The following ETS1 variants were observed in gnomAD, a reference collection of about 807,000 sequenced individuals.
The protein encoded by ETS1 is ETS proto-oncogene 1, transcription factor, also known as protein C-ets-1.
Under a neutral mutation model 58.6 loss-of-function variants are expected in ETS1, and 15 were observed. The observed-to-expected ratio is 0.26, with a 90% CI of 0.17 to 0.39. The LOEUF (loss-of-function observed/expected upper bound fraction) is 0.39, where lower values mean the gene tolerates loss of function less well. Ranked by LOEUF, ETS1 falls within the 10% of genes least tolerant of loss-of-function variation. ETS1 has a pLI of 1.00. For missense variants in ETS1, 417 were observed against 610.5 expected (o/e 0.68, Z 3.34); for synonymous variants, 214 against 218.2 (o/e 0.98, Z 0.17).
intron 3 of ETS1, among the ~76,000 whole-genome samples, chr11:128,545,895 G>A (rs1384692127): frequency 6.6e-6 from 1 of 152,200 alleles, no homozygotes; most frequent in African/African-American, 2.4e-5. Context: ...AAAGCCCAAA[G>A]TATTGATGAG....
At chr11:128,558,649 C>CAAAAAAAAAAAAAAAAA (rs201114905) in intron 2 of ETS1, among the ~76,000 whole-genome samples, 1 of 103,442 alleles carries the variant, frequency 9.7e-6, no homozygotes, top group Non-Finnish European at 2.0e-5. Flanking sequence ...ATATCCATCC[C>CAAAAAAAAAAAAAAAAA]AAAAAAAAAA....
intron 3 of ETS1, among the ~76,000 whole-genome samples, chr11:128,513,469 C>A (rs1034056853): frequency 6.6e-6 from 1 of 152,224 alleles, no homozygotes; most frequent in Non-Finnish European, 1.5e-5. Context: ...CCCACATTCT[C>A]CTCACAGAGT....
At chr11:128,467,367 C>T (rs750104109) in intron 8 of ETS1, among the ~76,000 whole-genome samples, 8 of 152,196 alleles carry the variant, frequency 5.3e-5, no homozygotes, top group Non-Finnish European at 7.3e-5. Flanking sequence ...GAAGTTCTCA[C>T]ACCCAAGATT....
chr11:128,498,391 G>T (rs1862998350), intron 3 of ETS1, among the ~76,000 whole-genome samples: 2 of 152,156 alleles, frequency 1.3e-5, no homozygotes, highest in Admixed American at 6.5e-5. Context: ...AATGGAAATT[G>T]ACATCCCCTG....
chr11:128,584,155 T>G (rs1864929066), intron 1 of ETS1, among the ~76,000 whole-genome samples: 2 of 152,206 alleles, frequency 1.3e-5, no homozygotes, highest in South Asian at 4.1e-4. Context: ...ACTGACTTAC[T>G]TACCCAGGAA....
At chr11:128,554,178 AG>A (rs1733400761) in intron 3 of ETS1, among the ~76,000 whole-genome samples, 1 of 152,190 alleles carries the variant, frequency 6.6e-6, no homozygotes, top group Non-Finnish European at 1.5e-5. Flanking sequence ...AGAAAGGCTC[AG>A]GGTTCTTGCC....
chr11:128,489,162 C>T, intron 5 of ETS1, 128 bp downstream of exon 5: 1 of 770,236 alleles, frequency 1.3e-6, no homozygotes, highest in Non-Finnish European at 2.3e-6. Flanking sequence ...TAGGCACATT[C>T]CCACATACGT....
intron 3 of ETS1, among the ~76,000 whole-genome samples, chr11:128,519,724 C>T (rs1009097897): frequency 2.6e-5 from 4 of 152,088 alleles, no homozygotes; most frequent in South Asian, 2.1e-4. Flanking sequence ...ATATACATTG[C>T]GAAGTTAGAA....
chr11:128,570,904 G>A (rs1035464029), intron 2 of ETS1, among the ~76,000 whole-genome samples: 5 of 152,144 alleles, frequency 3.3e-5, no homozygotes, highest in Admixed American at 6.5e-5. Context: ...GAGTGTTGGG[G>A]AGTGGGCAGT....
At position 128,460,222 on chromosome 11, in the gene ETS1, A is replaced by G. The variant is rs914486930; in HGVS notation, c.*2139T>C. The G allele has an allele frequency of 6.6e-6, 1 of 152,548 alleles. No homozygotes were observed. The highest frequency in any genetic ancestry group is 1.5e-5 in the Non-Finnish European group (1 of 68,006). 9.4% of individuals were successfully genotyped at this position (152,548 alleles called of 1,614,324 possible). Reference sequence around the variant, plus strand: ...TGTAGTCCAAACAGTTCCACCCAACACTCCCTGAGCAGCTCCTAAAATATT... The same window carrying G: ...TGTAGTCCAAACAGTTCCACCCAACGCTCCCTGAGCAGCTCCTAAAATATT... On this transcript the variant is annotated 3_prime_UTR_variant, in exon 10 of 10. Transcript: ENST00000392668.
chr11:128,504,274 G>T (rs1863170522), intron 3 of ETS1, among the ~76,000 whole-genome samples: 1 of 152,112 alleles, frequency 6.6e-6, no homozygotes, highest in South Asian at 2.1e-4. Context: ...TTATGGCCTG[G>T]AGCAATAACT....
chr11:128,487,443 A>C (rs1035015825), intron 5 of ETS1, among the ~76,000 whole-genome samples: 4 of 152,238 alleles, frequency 2.6e-5, no homozygotes, highest in African/African-American at 9.6e-5. Flanking sequence ...TTTTAAGTTA[A>C]ATAAAAATAT....
intron 8 of ETS1, among the ~76,000 whole-genome samples, chr11:128,477,539 G>A (rs906925038): frequency 6.6e-6 from 1 of 152,118 alleles, no homozygotes; most frequent in Admixed American, 6.5e-5. Context: ...GAGGTTGGCG[G>A]GGGCACCATG....
At chr11:128,558,782 T>C (rs1864358052) in intron 2 of ETS1, among the ~76,000 whole-genome samples, 1 of 152,124 alleles carries the variant, frequency 6.6e-6, no homozygotes, top group African/African-American at 2.4e-5. Context: ...CTGAAGCAGC[T>C]ACATTAAATA....
intron 3 of ETS1, among the ~76,000 whole-genome samples, chr11:128,523,867 T>C (rs1325000668): frequency 6.6e-6 from 1 of 151,772 alleles, no homozygotes; most frequent in Non-Finnish European, 1.5e-5. Flanking sequence ...GGGAAAAGCC[T>C]AGAGAAACAG....
chr11:128,484,959 G>A lies in ETS1; in HGVS notation c.726C>T (p.Ser242=). The change falls in exon 7 of 10, where the codon TCC becomes TCT. Residue 242 remains serine, a synonymous_variant. Coordinates refer to ENST00000392668, the MANE Select transcript of ETS1 (RefSeq NM_001143820.2). ...AGGGGTAGTCATTCTCATACTTGAG[G>A]GAGAGGAGCTCTTCCGAGCTGATGG... The part of the protein sequence containing the change: ...LHPISSEELL[S]LKYENDYPSV... 1.2e-6 allele frequency: 2 copies of A among 1,614,106 alleles called. No individual in the cohort carries two copies. Among genetic ancestry groups the A allele is most frequent in the Non-Finnish European group, 1.7e-6 (2 of 1,179,992 alleles).
At chr11:128,564,862 GA>G (rs936288080) in intron 2 of ETS1, among the ~76,000 whole-genome samples, 1 of 151,942 alleles carries the variant, frequency 6.6e-6, no homozygotes, top group African/African-American at 2.4e-5. Context: ...GCCATGGCCA[GA>G]AGACTATCCA....
intron 1 of ETS1, among the ~76,000 whole-genome samples, chr11:128,578,688 A>G (rs1864802103): frequency 6.6e-6 from 1 of 152,086 alleles, no homozygotes; most frequent in African/African-American, 2.4e-5. Context: ...ACACACACAC[A>G]CGTGATTACA....
intron 2 of ETS1, among the ~76,000 whole-genome samples, chr11:128,566,571 CAGG>C (rs1224783513): frequency 4.6e-5 from 7 of 152,124 alleles, no homozygotes; most frequent in Non-Finnish European, 8.8e-5. Flanking sequence ...ATCACGAGGT[CAGG>C]AGATCGAGAC....
Sources: allele counts gnomAD v4.1 joint callset (sites outside exome capture counted in the v4.1 genomes callset), GRCh38; gene constraint gnomAD v4.1.1; transcripts MANE v1.5; gene names NCBI Gene and HGNC (gene_info 2026-07-23, HGNC 2026-07-21).